Variants in PRKG1 observed in about 807,000 individuals in gnomAD.
PRKG1 encodes the protein cGMP-dependent protein kinase 1.
In PRKG1, 35 loss-of-function variants were observed where a neutral mutation model predicts 88.1. The ratio of observed to expected loss-of-function variants is 0.40; its 90% CI spans 0.30 to 0.53. The LOEUF is 0.53. Ranked by LOEUF, PRKG1 falls within the 20% of genes least tolerant of loss-of-function variation. PRKG1 has a pLI of 0.59. For missense variants in PRKG1, 540 were observed against 839.8 expected, an observed-to-expected ratio of 0.64 and a Z score of 4.41; for synonymous variants, 303 against 292.5, an observed-to-expected ratio of 1.04 and a Z score of -0.37.
chr10:51,617,718 T>A (rs991813357), intron 3 of PRKG1, among the ~76,000 whole-genome samples: 8 of 152,194 alleles, frequency 5.3e-5, no homozygotes, highest in African/African-American at 1.9e-4. Flanking sequence ...ATTTGCACAA[T>A]GATGAAATCG....
chr10:51,005,614 G>A (rs1305239136), intron 1 of PRKG1, among the ~76,000 whole-genome samples: 2 of 152,126 alleles, frequency 1.3e-5, no homozygotes, highest in Admixed American at 1.3e-4. Context: ...TTGTCACTCA[G>A]GTTAACACCC....
intron 9 of PRKG1, among the ~76,000 whole-genome samples, chr10:52,222,136 G>A (rs962156934): frequency 1.3e-5 from 2 of 152,126 alleles, no homozygotes; most frequent in Admixed American, 1.3e-4. Context: ...TGTTCCCTTA[G>A]AGTCATCCCT....
At chr10:51,074,276 G>C, upstream of PRKG1, 1 of 273,374 alleles carries the variant, frequency 3.7e-6, no homozygotes, top group Non-Finnish European at 6.7e-6. Flanking sequence ...CCCCGCCACC[G>C]CGCCTCCGAC....
chr10:51,814,212 A>G (rs1204594864), intron 4 of PRKG1, among the ~76,000 whole-genome samples: 4 of 152,194 alleles, frequency 2.6e-5, no homozygotes, highest in African/African-American at 9.7e-5. Flanking sequence ...TTGGACACAT[A>G]CAAAGTATCT....
chr10:52,050,156 A>G (rs1747523532), intron 5 of PRKG1, among the ~76,000 whole-genome samples: 1 of 152,008 alleles, frequency 6.6e-6, no homozygotes. Flanking sequence ...GCAGCAGTGA[A>G]GTATGGCAGT....
chr10:51,375,241 T>A (rs182135314), intron 2 of PRKG1, among the ~76,000 whole-genome samples: 4,055 of 152,254 alleles, frequency 0.027, 152 homozygotes, highest in African/African-American at 0.089. Flanking sequence ...TGGAGTCTTC[T>A]TCTGTGAGTG....
intron 7 of PRKG1, among the ~76,000 whole-genome samples, chr10:52,116,336 T>C (rs1324373123): frequency 1.3e-5 from 2 of 152,142 alleles, no homozygotes; most frequent in Non-Finnish European, 2.9e-5. Context: ...TATCTGAAAT[T>C]CAAATTAAAT....
intron 4 of PRKG1, among the ~76,000 whole-genome samples, chr10:51,828,213 A>G (rs1200572203): frequency 1.3e-5 from 2 of 152,164 alleles, no homozygotes; most frequent in Non-Finnish European, 2.9e-5. Context: ...ATAGTTTAGA[A>G]TTTTAGATTG....
At chr10:52,053,229 A>AC (rs5784900) in intron 5 of PRKG1, among the ~76,000 whole-genome samples, 148,869 of 152,184 alleles carry the variant, frequency 0.98, 72,863 homozygotes, top group Non-Finnish European at 1. Flanking sequence ...AATAAGAAAT[A>AC]CTTTTTTATT....
intron 1 of PRKG1, among the ~76,000 whole-genome samples, chr10:51,002,079 C>G (rs887340628): frequency 6.6e-6 from 1 of 151,714 alleles, no homozygotes; most frequent in Non-Finnish European, 1.5e-5. Flanking sequence ...GTTCTTTGAA[C>G]ATTGACTCTG....
chr10:52,210,745 C>A (rs549759265), intron 9 of PRKG1, among the ~76,000 whole-genome samples: 1 of 152,302 alleles, frequency 6.6e-6, no homozygotes, highest in East Asian at 1.9e-4. Flanking sequence ...GAGGCTCACT[C>A]ATTCTTCTGT....
In PRKG1 at chr10:51,207,117, C is replaced by T. The variant is rs139806388; in HGVS notation, c.478+53787C>T. Among the ~76,000 whole-genome samples, 18 of 152,194 alleles carry T rather than the reference C, an allele frequency of 1.2e-4. No individual in the cohort carries two copies. In the East Asian group the frequency reaches 3.1e-3, roughly 26 times the overall value. The stretch of plus-strand genomic sequence containing the variant: ...ATTTCTGATTTCAATTGCCAGAGAG[C>T]CTGAAGTTGACAAGTCAGGCTGGGA... On this transcript the variant is annotated intron_variant, in intron 2 of 17. Transcript: ENST00000373980.
intron 1 of PRKG1, among the ~76,000 whole-genome samples, chr10:51,048,885 TGTTACCATGCAC>T (rs1843524036): frequency 6.6e-6 from 1 of 152,118 alleles, no homozygotes; most frequent in Non-Finnish European, 1.5e-5. Context: ...TCTGTAATGC[TGTTACCATGCAC>T]CGCATGTCAG....
chr10:51,055,384 T>G (rs1666912258), intron 1 of PRKG1, among the ~76,000 whole-genome samples: 1 of 152,220 alleles, frequency 6.6e-6, no homozygotes. Context: ...ATTCCTTTCA[T>G]GTACCATTGT....
chr10:51,740,287 C>T (rs1837398683), intron 3 of PRKG1, among the ~76,000 whole-genome samples: 1 of 152,164 alleles, frequency 6.6e-6, no homozygotes, highest in Non-Finnish European at 1.5e-5. Context: ...CCCTGGCCTC[C>T]CAAAGTGCTG....
chr10:51,009,347 A>T (rs927940152), intron 1 of PRKG1, among the ~76,000 whole-genome samples: 2 of 152,216 alleles, frequency 1.3e-5, no homozygotes, highest in Admixed American at 6.5e-5. Flanking sequence ...ATTTAGGGAT[A>T]AACTATTTTT....
chr10:52,071,820 A>G (rs1346420361), intron 7 of PRKG1, among the ~76,000 whole-genome samples: 2 of 152,166 alleles, frequency 1.3e-5, no homozygotes, highest in East Asian at 3.8e-4. Flanking sequence ...CTCTGCAAAG[A>G]TACGTTTTAG....
At chr10:51,992,713 G>A (rs890137194) in intron 5 of PRKG1, among the ~76,000 whole-genome samples, 2 of 152,210 alleles carry the variant, frequency 1.3e-5, no homozygotes, top group South Asian at 2.1e-4. Context: ...ATTATGTAGC[G>A]TATGTGTGTC....
chr10:51,947,122 C>T (rs910702299), intron 5 of PRKG1, among the ~76,000 whole-genome samples: 10 of 152,184 alleles, frequency 6.6e-5, no homozygotes, highest in East Asian at 3.9e-4. Context: ...CCACCCAGTT[C>T]GAGCTTCCCA....
Sources: allele counts gnomAD v4.1 joint callset (sites outside exome capture counted in the v4.1 genomes callset), GRCh38; gene constraint gnomAD v4.1.1; transcripts MANE v1.5; gene names NCBI Gene and HGNC (gene_info 2026-07-23, HGNC 2026-07-21).